Variants in CRYZL1 observed in about 807,000 individuals in gnomAD.
The protein encoded by CRYZL1 is ferry endosomal RAB5 effector complex subunit 4.
A neutral mutation model predicts 50.6 loss-of-function variants in CRYZL1; 34 were observed. That is an observed-to-expected ratio of 0.67 (90% CI 0.51 to 0.89). The LOEUF is 0.89. Among genes scored for constraint, CRYZL1 ranks in the 40% least tolerant of loss-of-function variants. CRYZL1 has a pLI of 0.00. For synonymous variants in CRYZL1, 125 were observed against 134.3 expected (o/e 0.93, Z 0.48); for missense variants, 354 against 402.3 (o/e 0.88, Z 1.03).
intron 12 of CRYZL1, among the ~76,000 whole-genome samples, chr21:33,590,573 C>T: frequency 6.6e-6 from 1 of 151,956 alleles, no homozygotes; most frequent in East Asian, 1.9e-4. Flanking sequence ...CGCCACCACG[C>T]TCAGCGAATT....
intron 1 of CRYZL1, among the ~76,000 whole-genome samples, chr21:33,633,857 G>A (rs2087169331): frequency 6.6e-6 from 1 of 152,200 alleles, no homozygotes; most frequent in South Asian, 2.1e-4. Context: ...ATGAAATCAA[G>A]CAAAAGTCTC....
intron 9 of CRYZL1, 86 bp from the exon 10 acceptor site, chr21:33,597,487 T>G (rs1037018729): frequency 1.8e-6 from 2 of 1,088,308 alleles, no homozygotes; most frequent in African/African-American, 1.6e-5. Flanking sequence ...TCAAACAAGT[T>G]CTTATTTATT....
intron 3 of CRYZL1, among the ~76,000 whole-genome samples, 181 bp downstream of exon 3, chr21:33,624,500 GAT>G (rs2087037550): frequency 6.6e-6 from 1 of 152,182 alleles, no homozygotes; most frequent in Non-Finnish European, 1.5e-5. Context: ...AGTGAGCTGA[GAT>G]TGCACCACTG....
rs146181401 is a variant in CRYZL1, at chr21:33,626,133, T to C, written c.67-1373A>G. Among the ~76,000 whole-genome samples, 409 of 151,810 alleles carry C rather than the reference T, an allele frequency of 2.7e-3. 2 individuals carry two copies. Among genetic ancestry groups the C allele is most frequent in the African/African-American group, 9.4e-3 (391 of 41,416 alleles). ...TATGCCTGGCTAATTTTTTTTTGTATTTTTAGTAGAAGATGGGGTTTCACC... is the reference window on the plus strand; with the variant it reads ...TATGCCTGGCTAATTTTTTTTTGTACTTTTAGTAGAAGATGGGGTTTCACC... On this transcript the variant is annotated intron_variant, in intron 2 of 12. Coordinates refer to ENST00000381554, the MANE Select transcript of CRYZL1 (RefSeq NM_145858.3).
At chr21:33,593,911 G>A (rs1354319614) in intron 11 of CRYZL1, among the ~76,000 whole-genome samples, 3 of 137,598 alleles carry the variant, frequency 2.2e-5, no homozygotes, top group Non-Finnish European at 4.6e-5. Context: ...CTTGAACCCA[G>A]GAGTTGGAGG....
intron 1 of CRYZL1, among the ~76,000 whole-genome samples, chr21:33,637,370 G>A (rs1171075853): frequency 6.6e-6 from 1 of 151,228 alleles, no homozygotes; most frequent in African/African-American, 2.4e-5. Context: ...GCATGAATCC[G>A]GAAGGCGGAG....
chr21:33,639,590 G>T (rs563678647), intron 1 of CRYZL1, among the ~76,000 whole-genome samples: 4 of 152,164 alleles, frequency 2.6e-5, no homozygotes, highest in Admixed American at 6.5e-5. Flanking sequence ...CCATTTAACT[G>T]ACTTTCTTTT....
chr21:33,591,071 G>T (rs546436649), intron 12 of CRYZL1, 91 bp downstream of exon 12: 45 of 880,716 alleles, frequency 5.1e-5, no homozygotes, highest in Admixed American at 1.4e-4. Context: ...CAGGTACATG[G>T]CGAGAGCTAA....
chr21:33,597,182 T>A, intron 10 of CRYZL1, 98 bp downstream of exon 10: 5 of 1,250,806 alleles, frequency 4.0e-6, no homozygotes, highest in Non-Finnish European at 5.7e-6. Flanking sequence ...GATTTTATAC[T>A]AATTTAGTCA....
chr21:33,589,984 G>A (rs2086626403), intron 12 of CRYZL1, 63 bp from the exon 13 acceptor site: 6 of 933,526 alleles, frequency 6.4e-6, no homozygotes, highest in Middle Eastern at 2.2e-4. Flanking sequence ...AAACAGGGTG[G>A]TATATGACAA....
chr21:33,637,534 T>C (rs1050554468), intron 1 of CRYZL1, among the ~76,000 whole-genome samples: 3 of 151,338 alleles, frequency 2.0e-5, no homozygotes, highest in Non-Finnish European at 4.4e-5. Flanking sequence ...GGCTGCCAAA[T>C]GCTTTCAATA....
rs78759195 is a variant in CRYZL1, at chr21:33,636,358, G to A, written c.-6-4801C>T. Among the ~76,000 whole-genome samples the A allele has an allele frequency of 8.0e-3, 1,221 of 152,274 alleles. 6 individuals carry two copies. The highest frequency in any genetic ancestry group is 0.031 in the Middle Eastern group (9 of 294). On this transcript the variant is annotated intron_variant, in intron 1 of 12. Transcript: ENST00000381554. ...AGCCTGGACAACAGAGTGAAACCCT[G>A]TCTCTTAAACATACAAAACTTTTTA...
At chr21:33,635,536 A>T (rs1159918320) in intron 1 of CRYZL1, among the ~76,000 whole-genome samples, 1 of 151,274 alleles carries the variant, frequency 6.6e-6, no homozygotes, top group South Asian at 2.1e-4. Flanking sequence ...TGTATTTTTT[A>T]GTACAGACGG....
intron 1 of CRYZL1, among the ~76,000 whole-genome samples, chr21:33,640,989 C>A (rs1281230609): frequency 1.3e-5 from 2 of 152,120 alleles, no homozygotes; most frequent in African/African-American, 4.8e-5. Context: ...ATTAATTTCA[C>A]GTGTTTCTTT....
intron 6 of CRYZL1, among the ~76,000 whole-genome samples, chr21:33,612,544 G>A (rs569558803): frequency 6.7e-4 from 102 of 152,198 alleles, no homozygotes; most frequent in African/African-American, 1.1e-3. Flanking sequence ...TCGCCTCAGC[G>A]TCCCAAAGTG....
chr21:33,595,515 TTC>T, intron 11 of CRYZL1: 1 of 1,276,500 alleles, frequency 7.8e-7, no homozygotes, highest in South Asian at 1.3e-5. Context: ...ATCTCTGTGC[TTC>T]TGTTTCTTCA....
At chr21:33,632,202 C>T (rs1319229140) in intron 1 of CRYZL1, among the ~76,000 whole-genome samples, 2 of 148,786 alleles carry the variant, frequency 1.3e-5, no homozygotes, top group Admixed American at 6.7e-5. Flanking sequence ...TGTGGCGGTG[C>T]GTGCCTGTAA....
chr21:33,627,523 G>A (rs1158081795), intron 2 of CRYZL1, among the ~76,000 whole-genome samples: 1 of 152,034 alleles, frequency 6.6e-6, no homozygotes, highest in East Asian at 1.9e-4. Flanking sequence ...CTAAATTTAT[G>A]GAAGAATGAT....
chr21:33,616,602 T>C, intron 5 of CRYZL1, 104 bp downstream of exon 5: 2 of 1,581,520 alleles, frequency 1.3e-6, no homozygotes, highest in South Asian at 2.3e-5. Context: ...GGGAAAGTAC[T>C]TCTATATGAA....
Sources: allele counts gnomAD v4.1 joint callset (sites outside exome capture counted in the v4.1 genomes callset), GRCh38; gene constraint gnomAD v4.1.1; transcripts MANE v1.5; gene names NCBI Gene and HGNC (gene_info 2026-07-23, HGNC 2026-07-21).